The following IL1RAPL2 variants were observed in gnomAD, a reference collection of about 807,000 sequenced individuals.
IL1RAPL2 encodes X-linked interleukin-1 receptor accessory protein-like 2.
A neutral mutation model predicts 44.1 loss-of-function variants in IL1RAPL2; 3 were observed. The ratio of observed to expected loss-of-function variants is 0.07; its 90% confidence interval spans 0.03 to 0.18. The LOEUF is 0.18. IL1RAPL2 is among the 10% of genes least tolerant of loss of function. IL1RAPL2 has a pLI of 1.00. For missense variants in IL1RAPL2, 391 were observed against 496.4 expected (o/e 0.79, Z 2.02); for synonymous variants, 181 against 178.8 (o/e 1.01, Z -0.10).
In IL1RAPL2 at chrX:104,760,906, G is replaced by A. The variant is rs1464911100; in HGVS notation, c.82+101911G>A. ...TAAGTTTTCTTGTAGTAGTTTCATC[G>A]TTTGAAGGCTTAGATTTAAGTCTTT... On this transcript the variant is annotated intron_variant, in intron 2 of 10. Coordinates refer to ENST00000372582, the MANE Select transcript of IL1RAPL2 (RefSeq NM_017416.2). Among the ~76,000 whole-genome samples the A allele has an allele frequency of 2.7e-5, 3 of 111,471 alleles. No individual in the cohort carries two copies. The East Asian group carries it at 8.6e-4, about 32-fold the overall frequency.
chrX:104,852,189 G>A (rs1014290020), intron 2 of IL1RAPL2, among the ~76,000 whole-genome samples: 1 of 112,423 alleles, frequency 8.9e-6, no homozygotes, highest in African/African-American at 3.2e-5. Context: ...AATAGGCATT[G>A]TAATGGGAAT....
At chrX:105,699,017 A>G (rs1278876940) in intron 6 of IL1RAPL2, among the ~76,000 whole-genome samples, 1 of 111,942 alleles carries the variant, frequency 8.9e-6, no homozygotes, top group Non-Finnish European at 1.9e-5. Flanking sequence ...TATAAAAGTT[A>G]TTATTGAAGT....
chrX:104,610,909 G>A (rs1043397797), intron 1 of IL1RAPL2, among the ~76,000 whole-genome samples: 2 of 111,757 alleles, frequency 1.8e-5, no homozygotes, highest in Non-Finnish European at 3.8e-5. Flanking sequence ...CTTTCTAACA[G>A]GCCCCTCAGC....
intron 5 of IL1RAPL2, among the ~76,000 whole-genome samples, chrX:105,441,970 G>C (rs982898466): frequency 9.0e-6 from 1 of 111,165 alleles, no homozygotes; most frequent in African/African-American, 3.3e-5. Flanking sequence ...ATTTCCCCAC[G>C]AATAATTTTA....
intron 2 of IL1RAPL2, among the ~76,000 whole-genome samples, chrX:105,173,198 C>A (rs900949627): frequency 9.0e-6 from 1 of 111,460 alleles, no homozygotes; most frequent in African/African-American, 3.3e-5. Flanking sequence ...ATTCACCCCT[C>A]TGGAATTTCA....
chrX:105,357,153 A>G (rs1358795), intron 5 of IL1RAPL2, among the ~76,000 whole-genome samples: 14,373 of 110,872 alleles, frequency 0.13, 2,303 homozygotes, highest in African/African-American at 0.45. Context: ...GCTATGAGAC[A>G]TTAGGAGAGT....
chrX:105,101,614 G>A (rs2032671894), intron 2 of IL1RAPL2, among the ~76,000 whole-genome samples: 1 of 110,839 alleles, frequency 9.0e-6, no homozygotes, highest in Admixed American at 9.6e-5. Context: ...TACTATATAC[G>A]TAAGTGTATT....
chrX:104,668,699 G>A (rs1361163169), intron 2 of IL1RAPL2, among the ~76,000 whole-genome samples: 2 of 105,035 alleles, frequency 1.9e-5, no homozygotes, highest in Non-Finnish European at 3.9e-5. Context: ...TTTTTTTACA[G>A]TAAAGGAACT....
intron 2 of IL1RAPL2, among the ~76,000 whole-genome samples, chrX:105,022,743 TA>T (rs1375836860): frequency 4.5e-5 from 5 of 111,033 alleles, no homozygotes; most frequent in African/African-American, 1.6e-4. Context: ...AGACTGTATT[TA>T]AATTTCAAAT....
intron 5 of IL1RAPL2, among the ~76,000 whole-genome samples, chrX:105,352,801 G>A (rs1930042466): frequency 9.1e-6 from 1 of 110,124 alleles, no homozygotes; most frequent in South Asian, 3.9e-4. Context: ...TTGTAAATTT[G>A]TTTGAGTTCA....
At chrX:104,731,474 C>G (rs1387193832) in intron 2 of IL1RAPL2, among the ~76,000 whole-genome samples, 1 of 111,628 alleles carries the variant, frequency 9.0e-6, no homozygotes, top group Non-Finnish European at 1.9e-5. Flanking sequence ...GCAGTCTCTA[C>G]TCACTGCAGC....
chrX:104,627,776 G>A (rs1184248872), intron 1 of IL1RAPL2, among the ~76,000 whole-genome samples: 1 of 111,268 alleles, frequency 9.0e-6, no homozygotes, highest in Non-Finnish European at 1.9e-5. Flanking sequence ...AGGGAGCCTG[G>A]TGATAGAGGA....
At chrX:105,605,057 T>C (rs1489130609) in intron 6 of IL1RAPL2, among the ~76,000 whole-genome samples, 1 of 110,918 alleles carries the variant, frequency 9.0e-6, no homozygotes, top group Non-Finnish European at 1.9e-5. Flanking sequence ...ATATCCACTT[T>C]CAACACTCTT....
At chrX:105,047,892 C>T (rs1030397329) in intron 2 of IL1RAPL2, among the ~76,000 whole-genome samples, 19 of 111,548 alleles carry the variant, frequency 1.7e-4, no homozygotes, top group African/African-American at 6.2e-4. Flanking sequence ...GGAAAAGAAA[C>T]TCCTTCTGGG....
At chrX:104,893,567 T>C (rs947126750) in intron 2 of IL1RAPL2, among the ~76,000 whole-genome samples, 3 of 111,583 alleles carry the variant, frequency 2.7e-5, no homozygotes, top group African/African-American at 9.8e-5. Context: ...CTTTTGATCT[T>C]TGTTGGTTTA....
At chrX:105,321,889 C>A (rs2034899968) in intron 5 of IL1RAPL2, among the ~76,000 whole-genome samples, 1 of 112,872 alleles carries the variant, frequency 8.9e-6, no homozygotes, top group African/African-American at 3.2e-5. Context: ...AACACAGGGT[C>A]TCTGACTGGT....
rs149284506 is a variant in IL1RAPL2, at chrX:104,830,545, T to C, written c.82+171550T>C. Among the ~76,000 whole-genome samples the C allele has an allele frequency of 8.6e-4, 96 of 111,977 alleles. 1 individual carries two copies. The highest frequency in any genetic ancestry group is 4.7e-3 in the Middle Eastern group (1 of 215). On this transcript the variant is annotated intron_variant, in intron 2 of 10. Coordinates refer to ENST00000372582, the MANE Select transcript of IL1RAPL2 (RefSeq NM_017416.2). ...ATTTTATAAGTTTTTAATGCATTTATCATGCATCCCTACAGATAACTTTCC... is the reference window on the plus strand; with the variant it reads ...ATTTTATAAGTTTTTAATGCATTTACCATGCATCCCTACAGATAACTTTCC...
Position 105,599,126 on chromosome X carries a change from G to A in IL1RAPL2, c.772+114739G>A, listed in dbSNP as rs933069968. Among the ~76,000 whole-genome samples, 5 of 112,166 alleles carry A rather than the reference G, an allele frequency of 4.5e-5. No homozygotes were observed. The Admixed American group carries it at 4.7e-4, about 11-fold the overall frequency. ...GAAGAGTATGGGTCAAGCCACTTATGTCCTACATAATTCATATATTATTTC... is the reference window on the plus strand; with the variant it reads ...GAAGAGTATGGGTCAAGCCACTTATATCCTACATAATTCATATATTATTTC... On this transcript the variant is annotated intron_variant, in intron 6 of 10. Coordinates refer to ENST00000372582, the MANE Select transcript of IL1RAPL2 (RefSeq NM_017416.2).
chrX:104,991,809 C>G (rs1019934559), intron 2 of IL1RAPL2, among the ~76,000 whole-genome samples: 1 of 111,622 alleles, frequency 9.0e-6, no homozygotes. Flanking sequence ...ATTATAAAAG[C>G]ATGCTGTGAT....
Sources: allele counts gnomAD v4.1 joint callset (sites outside exome capture counted in the v4.1 genomes callset), GRCh38; gene constraint gnomAD v4.1.1; transcripts MANE v1.5; gene names NCBI Gene and HGNC (gene_info 2026-07-23, HGNC 2026-07-21).